The following FILIP1 variants were observed in gnomAD, a reference collection of about 807,000 sequenced individuals.
FILIP1 encodes the protein filamin-A-interacting protein 1.
FILIP1 carries 61 observed loss-of-function variants against 102.1 expected under a neutral mutation model. The ratio of observed to expected loss-of-function variants is 0.60; its 90% CI spans 0.49 to 0.74. The LOEUF (loss-of-function observed/expected upper bound fraction) is 0.74. FILIP1 is among the 30% of genes least tolerant of loss of function. FILIP1 has a pLI of 0.00. For synonymous variants in FILIP1, 491 were observed against 526.9 expected (o/e 0.93, Z 0.93); for missense variants, 1,314 against 1,441.2 (o/e 0.91, Z 1.43).
intron 1 of FILIP1, among the ~76,000 whole-genome samples, chr6:75,435,312 AT>A (rs1777982536): frequency 1.3e-5 from 2 of 152,244 alleles, no homozygotes; most frequent in African/African-American, 4.8e-5. Flanking sequence ...TACAATATCA[AT>A]TCAGAGGTCC....
At chr6:75,353,501 G>C (rs1211240531) in intron 4 of FILIP1, 38 bp downstream of exon 4, 1 of 1,609,102 alleles carries the variant, frequency 6.2e-7, no homozygotes, top group Admixed American at 1.7e-5. Flanking sequence ...AAGGGCTATG[G>C]GCATCCAGAT....
chr6:75,377,459 G>A (rs975645478), intron 2 of FILIP1, among the ~76,000 whole-genome samples: 1 of 152,152 alleles, frequency 6.6e-6, no homozygotes, highest in Non-Finnish European at 1.5e-5. Context: ...CCTAAGTGCT[G>A]TTGTTTAAGA....
intron 3 of FILIP1, among the ~76,000 whole-genome samples, chr6:75,355,525 C>T (rs1434575900): frequency 1.3e-5 from 2 of 151,904 alleles, no homozygotes; most frequent in Non-Finnish European, 1.5e-5. Context: ...CCTCAGCCTC[C>T]CAAGTAGCTG....
intron 1 of FILIP1, chr6:75,455,253 A>C (rs190501565): frequency 1.8e-4 from 27 of 152,354 alleles, no homozygotes; most frequent in African/African-American, 5.1e-4. Context: ...GCCCAGGTTT[A>C]AAAGCTCCTC....
chr6:75,319,041 G>A (rs4295446), intron 4 of FILIP1: 460,250 of 677,374 alleles, frequency 0.68, 159,297 homozygotes, highest in Non-Finnish European at 0.71. Flanking sequence ...ATTCATCATC[G>A]TCATCTTCTT....
intron 4 of FILIP1, among the ~76,000 whole-genome samples, chr6:75,321,333 T>A (rs1311613907): frequency 6.6e-6 from 1 of 152,168 alleles, no homozygotes; most frequent in South Asian, 2.1e-4. Flanking sequence ...GGAAGAACAG[T>A]GGTAATTAAG....
intron 2 of FILIP1, among the ~76,000 whole-genome samples, chr6:75,367,179 A>C (rs1428966340): frequency 6.6e-6 from 1 of 152,138 alleles, no homozygotes; most frequent in African/African-American, 2.4e-5. Context: ...GAACTGTATT[A>C]ATTGTGATAT....
intron 2 of FILIP1, among the ~76,000 whole-genome samples, chr6:75,412,397 A>T (rs1777108872): frequency 1.3e-5 from 2 of 152,148 alleles, no homozygotes. Flanking sequence ...TCTTATTTGA[A>T]TACACTTTAT....
At chr6:75,297,472 G>A (rs1192209475) in intron 6 of FILIP1, among the ~76,000 whole-genome samples, 2 of 152,032 alleles carry the variant, frequency 1.3e-5, no homozygotes, top group Middle Eastern at 3.2e-3. Context: ...ACTATAGAAT[G>A]TCTTATATAC....
rs765850763 is a variant in FILIP1, at chr6:75,312,898, C to T, written c.2934G>A (p.Met978Ile). The change falls in exon 5 of 6, where the codon ATG becomes ATA. Residue 978 changes from methionine to isoleucine, a missense_variant. Transcript: ENST00000237172. ...GDTTLGPERA[M>I]SPVTITTFSR... ...AAAATGTAGTAATTGTGACTGGGGACATGGCTCGTTCTGGGCCAAGAGTAG... is the reference window on the plus strand; with the variant it reads ...AAAATGTAGTAATTGTGACTGGGGATATGGCTCGTTCTGGGCCAAGAGTAG... 1 of 1,614,204 alleles carries T rather than the reference C, an allele frequency of 6.2e-7. No homozygotes were observed. The highest frequency in any genetic ancestry group is 1.7e-5 in the Admixed American group (1 of 60,028).
chr6:75,335,088 A>G (rs1774198828), intron 4 of FILIP1, among the ~76,000 whole-genome samples: 1 of 152,168 alleles, frequency 6.6e-6, no homozygotes, highest in East Asian at 1.9e-4. Flanking sequence ...GCTAAACTCT[A>G]TACAGTTCTA....
chr6:75,456,151 G>A (rs149773016), intron 1 of FILIP1, among the ~76,000 whole-genome samples: 2 of 152,228 alleles, frequency 1.3e-5, no homozygotes, highest in East Asian at 3.9e-4. Flanking sequence ...CCTCCCCAGG[G>A]AACATTTGAC....
At chr6:75,340,661 G>A (rs914276229) in intron 4 of FILIP1, among the ~76,000 whole-genome samples, 2 of 151,638 alleles carry the variant, frequency 1.3e-5, no homozygotes, top group African/African-American at 2.4e-5. Context: ...GCTTGTTTTT[G>A]GTTTCAAAAT....
At chr6:75,374,613 C>A (rs974878709) in intron 2 of FILIP1, among the ~76,000 whole-genome samples, 1 of 152,284 alleles carries the variant, frequency 6.6e-6, no homozygotes, top group Middle Eastern at 3.4e-3. Context: ...CTCCTGACCT[C>A]AGGTGATCTA....
intron 1 of FILIP1, among the ~76,000 whole-genome samples, chr6:75,476,078 TA>T (rs1250921028): frequency 2.0e-5 from 3 of 151,856 alleles, no homozygotes; most frequent in Non-Finnish European, 4.4e-5. Flanking sequence ...CCATCTCTAC[TA>T]AAAATACAAA....
rs7760201 is a variant in FILIP1 at position 75,425,168 on chromosome 6, C to T, written c.-6-10190G>A. Among the ~76,000 whole-genome samples the T allele has an allele frequency of 9.6e-3, 1,457 of 152,198 alleles. 25 individuals are homozygous for T. Among genetic ancestry groups the T allele is most frequent in the African/African-American group, 0.034 (1,392 of 41,522 alleles). On this transcript the variant is annotated intron_variant, in intron 1 of 5. Transcript: ENST00000237172. Reference sequence around the variant, plus strand: ...AAAATTATTCCTACTAAAACACATCCTGTGAATGCAACTGAAACCACATGA... The same window carrying T: ...AAAATTATTCCTACTAAAACACATCTTGTGAATGCAACTGAAACCACATGA...
intron 1 of FILIP1, among the ~76,000 whole-genome samples, chr6:75,432,944 T>G (rs1777878720): frequency 6.6e-6 from 1 of 152,198 alleles, no homozygotes; most frequent in Admixed American, 6.5e-5. Context: ...TTTCTGTCCT[T>G]GTGATAGTTT....
intron 1 of FILIP1, among the ~76,000 whole-genome samples, chr6:75,431,482 C>T (rs576359351): frequency 2.0e-5 from 3 of 152,238 alleles, no homozygotes; most frequent in East Asian, 3.9e-4. Flanking sequence ...TTTCTGTTCA[C>T]CCCTATTCTT....
At chr6:75,395,027 T>C (rs576280616) in intron 2 of FILIP1, among the ~76,000 whole-genome samples, 1 of 152,274 alleles carries the variant, frequency 6.6e-6, no homozygotes, top group East Asian at 1.9e-4. Context: ...CTGCACTATG[T>C]ACCCAAATAT....
Sources: allele counts gnomAD v4.1 joint callset (sites outside exome capture counted in the v4.1 genomes callset), GRCh38; gene constraint gnomAD v4.1.1; transcripts MANE v1.5; gene names NCBI Gene and HGNC (gene_info 2026-07-23, HGNC 2026-07-21).